FILIP1L: variants seen among roughly 807,000 people sequenced by gnomAD.
The protein encoded by FILIP1L is filamin A-interacting protein 1-like.
In FILIP1L, 55 loss-of-function variants were observed where a neutral mutation model predicts 96.6. The observed-to-expected ratio is 0.57, with a 90% CI of 0.46 to 0.71. The LOEUF is 0.71. FILIP1L is among the 30% of genes least tolerant of loss of function. FILIP1L has a pLI of 0.00. For missense variants in FILIP1L, 1,304 were observed against 1,321.2 expected (o/e 0.99, Z 0.20); for synonymous variants, 467 against 473.9 (o/e 0.99, Z 0.19).
rs1462928214 is a variant in FILIP1L, at chr3:99,845,820, A to T, written c.3381+2475T>A. Among the ~76,000 whole-genome samples, 5 of 152,252 alleles carry T rather than the reference A, an allele frequency of 3.3e-5. 1 individual carries two copies. The highest frequency in any genetic ancestry group is 9.6e-5 in the African/African-American group (4 of 41,506). On this transcript the variant is annotated intron_variant, in intron 5 of 5. Coordinates refer to ENST00000477258, the MANE Select transcript of FILIP1L (RefSeq NM_001387850.1). Reference sequence around the variant, plus strand: ...AATCTGTCTCCTAAAATTTATTTTGATGCTGATACAAATTATTATACTGAA... The same window carrying T: ...AATCTGTCTCCTAAAATTTATTTTGTTGCTGATACAAATTATTATACTGAA...
intron 4 of FILIP1L, among the ~76,000 whole-genome samples, chr3:99,917,026 CTT>C (rs908234183): frequency 1.1e-4 from 17 of 152,282 alleles, no homozygotes; most frequent in African/African-American, 3.8e-4. Flanking sequence ...TCTTATTCCT[CTT>C]TATATTTTTT....
In FILIP1L at chr3:99,965,377, G is replaced by A. The variant is rs148435031; in HGVS notation, c.-10-34347C>T. Among the ~76,000 whole-genome samples, 1,105 of 152,294 alleles carry A rather than the reference G, an allele frequency of 7.3e-3. 19 individuals carry two copies. The highest frequency in any genetic ancestry group is 0.024 in the African/African-American group (1,018 of 41,566). ...CACATTTCTCTCTGTTGCCCAGTCA[G>A]GTGCTATGGCATGTGCTGCTTCTGG... On this transcript the variant is annotated intron_variant, in intron 1 of 5. Transcript: ENST00000477258.
chr3:100,056,676 C>G (rs1344785432), intron 1 of FILIP1L, among the ~76,000 whole-genome samples: 1 of 151,468 alleles, frequency 6.6e-6, no homozygotes, highest in Admixed American at 6.6e-5. Context: ...GACTGCCACA[C>G]AACCAGGTAG....
At chr3:99,983,642 A>G (rs1709239572) in intron 1 of FILIP1L, among the ~76,000 whole-genome samples, 3 of 147,734 alleles carry the variant, frequency 2.0e-5, no homozygotes, top group South Asian at 4.4e-4. Flanking sequence ...ATGAGCTGAG[A>G]TGGTGCCACT....
intron 4 of FILIP1L, among the ~76,000 whole-genome samples, chr3:99,891,079 C>T (rs186764549): frequency 6.6e-6 from 1 of 150,750 alleles, no homozygotes; most frequent in Non-Finnish European, 1.5e-5. Context: ...TTCAGACCAC[C>T]CAGTTAGTAT....
At chr3:99,987,949 T>C (rs1709394313) in intron 1 of FILIP1L, among the ~76,000 whole-genome samples, 1 of 152,218 alleles carries the variant, frequency 6.6e-6, no homozygotes. Flanking sequence ...TTGAGGATAC[T>C]GTTCTTCCAG....
At position 99,956,921 on chromosome 3, in the gene FILIP1L, G is replaced by T. The variant is rs140422498; in HGVS notation, c.-10-25891C>A. Among the ~76,000 whole-genome samples, 1,028 of 152,064 alleles carry T rather than the reference G, an allele frequency of 6.8e-3. 3 individuals are homozygous for T. The highest frequency in any genetic ancestry group is 8.6e-3 in the African/African-American group (356 of 41,470). ...AGTCCAGCTTCTGCCCTCACCAATG[G>T]CTTCCTAATTTCCAAATCCAGGAAC... On this transcript the variant is annotated intron_variant, in intron 1 of 5. Coordinates refer to ENST00000477258, the MANE Select transcript of FILIP1L (RefSeq NM_001387850.1).
At chr3:100,092,886 G>A (rs2066137515) in intron 1 of FILIP1L, among the ~76,000 whole-genome samples, 2 of 151,290 alleles carry the variant, frequency 1.3e-5, no homozygotes, top group South Asian at 2.1e-4. Context: ...AGTTAACAGC[G>A]GGGACTTTCT....
At chr3:99,844,174 A>G (rs573475773) in intron 5 of FILIP1L, among the ~76,000 whole-genome samples, 6 of 152,286 alleles carry the variant, frequency 3.9e-5, no homozygotes, top group Non-Finnish European at 8.8e-5. Context: ...TAGCCCAGAA[A>G]AAGATCAAAA....
intron 2 of FILIP1L, 41 bp from the exon 3 acceptor site, chr3:99,930,070 A>C: frequency 6.6e-7 from 1 of 1,515,898 alleles, no homozygotes. Flanking sequence ...TGCTGTCTCT[A>C]CCAGCAGTCT....
At chr3:100,062,695 A>G (rs1199929194) in intron 1 of FILIP1L, among the ~76,000 whole-genome samples, 1 of 152,248 alleles carries the variant, frequency 6.6e-6, no homozygotes, top group Non-Finnish European at 1.5e-5. Flanking sequence ...AAGAAATTTA[A>G]AAGCCCCTAT....
intron 1 of FILIP1L, among the ~76,000 whole-genome samples, chr3:99,982,158 T>C (rs981247645): frequency 6.6e-6 from 1 of 152,158 alleles, no homozygotes; most frequent in Non-Finnish European, 1.5e-5. Flanking sequence ...TGCTATATAT[T>C]TCGGTATATG....
rs116301064 is a variant in FILIP1L, at chr3:100,022,235, G to A, written c.-10-91205C>T. On this transcript the variant is annotated intron_variant, in intron 1 of 5. Coordinates refer to ENST00000477258, the MANE Select transcript of FILIP1L (RefSeq NM_001387850.1). ...AGTAGCATTGAGAGAGATGTCAAACGTCAAACACAGTTCTGTCCTGAAGAA... is the reference window on the plus strand; with the variant it reads ...AGTAGCATTGAGAGAGATGTCAAACATCAAACACAGTTCTGTCCTGAAGAA... 1.7e-3 allele frequency among the ~76,000 whole-genome samples: 264 copies of A among 152,230 alleles called. 1 individual carries two copies. The highest frequency in any genetic ancestry group is 6.1e-3 in the African/African-American group (254 of 41,556).
chr3:99,887,191 CAGG>C (rs1335813229), intron 4 of FILIP1L, among the ~76,000 whole-genome samples: 1 of 151,738 alleles, frequency 6.6e-6, no homozygotes, highest in Admixed American at 6.6e-5. Context: ...CACTTGAACC[CAGG>C]AGGAGGAGGT....
intron 4 of FILIP1L, among the ~76,000 whole-genome samples, chr3:99,870,628 T>A (rs1944740549): frequency 6.6e-6 from 1 of 152,234 alleles, no homozygotes; most frequent in Non-Finnish European, 1.5e-5. Flanking sequence ...CCTGTTTTCA[T>A]GCCTTGTGCT....
intron 1 of FILIP1L, chr3:100,040,261 G>A (rs1395865776): frequency 6.6e-6 from 1 of 151,914 alleles, no homozygotes; most frequent in Non-Finnish European, 1.5e-5. Context: ...TGGCTTATTT[G>A]CATATTTCAT....
At chr3:100,071,054 A>T (rs2065753153) in intron 1 of FILIP1L, among the ~76,000 whole-genome samples, 1 of 148,642 alleles carries the variant, frequency 6.7e-6, no homozygotes, top group South Asian at 2.1e-4. Flanking sequence ...TTTTAAAAGA[A>T]AGGGGTTTGT....
chr3:99,968,345 A>G (rs907844201), intron 1 of FILIP1L, among the ~76,000 whole-genome samples: 2 of 152,044 alleles, frequency 1.3e-5, no homozygotes, highest in African/African-American at 4.8e-5. Flanking sequence ...AGAAACAGGG[A>G]TTAAGATAAA....
chr3:99,997,542 A>T (rs1351341065), intron 1 of FILIP1L, among the ~76,000 whole-genome samples: 1 of 152,148 alleles, frequency 6.6e-6, no homozygotes, highest in Non-Finnish European at 1.5e-5. Flanking sequence ...AAGCTTTTTC[A>T]ATTTTGCCAG....
Sources: gnomAD v4.1 joint callset for allele counts (sites outside exome capture counted in the v4.1 genomes callset) on GRCh38, gnomAD v4.1.1 for gene constraint, MANE v1.5 for transcripts, NCBI Gene and HGNC (gene_info 2026-07-23, HGNC 2026-07-21) for gene names.